SYNDIG1L: variants seen among roughly 807,000 people sequenced by gnomAD.
SYNDIG1L encodes synapse differentiation inducing 1 like, also known as synapse differentiation-inducing gene protein 1-like.
A neutral mutation model predicts 20.1 loss-of-function variants in SYNDIG1L; 13 were observed. The ratio of observed to expected loss-of-function variants is 0.65; its 90% confidence interval spans 0.42 to 1.03. SYNDIG1L has a LOEUF of 1.03. Ranked by LOEUF, SYNDIG1L falls within the 50% of genes least tolerant of loss-of-function variation. SYNDIG1L has a pLI of 0.00. For synonymous variants in SYNDIG1L, 128 were observed against 129.3 expected, an observed-to-expected ratio of 0.99 and a Z score of 0.07; for missense variants, 294 against 305.1, an observed-to-expected ratio of 0.96 and a Z score of 0.27.
upstream of SYNDIG1L, among the ~76,000 whole-genome samples, chr14:74,427,487 A>G (rs1317574771): frequency 1.3e-5 from 2 of 152,136 alleles, no homozygotes; most frequent in African/African-American, 4.8e-5. Flanking sequence ...GCACAGTAGG[A>G]GCCAGGAGCA....
At chr14:74,436,794 G>C in the SYNDIG1L span, among the ~76,000 whole-genome samples, 1 of 147,240 alleles carries the variant, frequency 6.8e-6, no homozygotes, top group Non-Finnish European at 1.5e-5. Flanking sequence ...AGGTTGCAGT[G>C]AGCCAAGATC....
chr14:74,466,690 C>T, the SYNDIG1L span, among the ~76,000 whole-genome samples: 43 of 152,278 alleles, frequency 2.8e-4, 1 homozygote, highest in South Asian at 8.1e-3. Flanking sequence ...GCTTCCATCA[C>T]GGCTGCTCAT....
the SYNDIG1L span, among the ~76,000 whole-genome samples, chr14:74,435,861 A>G: frequency 6.6e-6 from 1 of 152,216 alleles, no homozygotes; most frequent in African/African-American, 2.4e-5. Context: ...TAGAGCCGTC[A>G]GGAGTTCCTC....
At chr14:74,479,394 T>C in the SYNDIG1L span, 1 of 152,358 alleles carries the variant, frequency 6.6e-6, no homozygotes, top group East Asian at 1.9e-4. Flanking sequence ...TTCAACTCAA[T>C]TGTGAATGGG....
intron 1 of SYNDIG1L, among the ~76,000 whole-genome samples, chr14:74,415,255 A>G (rs983267827): frequency 6.6e-6 from 1 of 152,218 alleles, no homozygotes; most frequent in African/African-American, 2.4e-5. Context: ...ATCTGCACAC[A>G]GCCCAGCTGC....
intron 1 of SYNDIG1L, among the ~76,000 whole-genome samples, chr14:74,411,144 G>T (rs2086127777): frequency 6.6e-6 from 1 of 152,180 alleles, no homozygotes; most frequent in African/African-American, 2.4e-5. Context: ...TCTTGCCCTG[G>T]ATTTCTAATC....
the SYNDIG1L span, among the ~76,000 whole-genome samples, chr14:74,447,241 AG>A: frequency 2.6e-5 from 4 of 152,368 alleles, no homozygotes; most frequent in Admixed American, 1.3e-4. Context: ...TAATGAAAAA[AG>A]TTTAATTCAC....
the SYNDIG1L span, among the ~76,000 whole-genome samples, chr14:74,448,898 G>A: frequency 6.6e-6 from 1 of 152,062 alleles, no homozygotes; most frequent in African/African-American, 2.4e-5. Context: ...GTGAGACCTT[G>A]TTGCTATTTT....
chr14:74,477,808 G>A, the SYNDIG1L span, among the ~76,000 whole-genome samples: 1 of 152,154 alleles, frequency 6.6e-6, no homozygotes, highest in Non-Finnish European at 1.5e-5. Context: ...AACCTGCTCC[G>A]TGGACTAGAA....
the SYNDIG1L span, among the ~76,000 whole-genome samples, chr14:74,478,107 T>C: frequency 6.6e-6 from 1 of 152,250 alleles, no homozygotes; most frequent in African/African-American, 2.4e-5. Context: ...TATCTACTTA[T>C]ACTCTTTGTC....
the SYNDIG1L span, among the ~76,000 whole-genome samples, chr14:74,443,766 T>C: frequency 2.8e-4 from 42 of 152,172 alleles, no homozygotes; most frequent in African/African-American, 1.0e-3. Flanking sequence ...AGGGAAGAGA[T>C]TGAATCTTCT....
chr14:74,445,708 C>G, the SYNDIG1L span, among the ~76,000 whole-genome samples: 1 of 152,300 alleles, frequency 6.6e-6, no homozygotes, highest in East Asian at 1.9e-4. Flanking sequence ...AACTCCTGAT[C>G]TCAACTGATC....
At chr14:74,435,391 C>T in the SYNDIG1L span, among the ~76,000 whole-genome samples, 1 of 152,190 alleles carries the variant, frequency 6.6e-6, no homozygotes, top group Non-Finnish European at 1.5e-5. Flanking sequence ...CAAACCAAAT[C>T]GTGGAACAAT....
the SYNDIG1L span, among the ~76,000 whole-genome samples, chr14:74,469,991 G>C: frequency 3.3e-5 from 5 of 152,164 alleles, no homozygotes; most frequent in Admixed American, 2.6e-4. Flanking sequence ...AGTGGGTGCA[G>C]CCAACATGGT....
At chr14:74,422,741 T>A (rs1207151429) in intron 1 of SYNDIG1L, among the ~76,000 whole-genome samples, 3 of 145,336 alleles carry the variant, frequency 2.1e-5, no homozygotes, top group Non-Finnish European at 4.5e-5. Context: ...TAAGACAGGG[T>A]CTCCCTCTAT....
rs544205402 is a variant in SYNDIG1L, at chr14:74,412,315, C to T, written c.-57-2514G>A. On this transcript the variant is annotated intron_variant, in intron 1 of 3. Coordinates refer to ENST00000331628, the MANE Select transcript of SYNDIG1L (RefSeq NM_001105579.2). ...GCAGCTTTGGAGCCCCTGCCATGGT[C>T]TCCCTTCTCCCAGTGGATGTGACCG... Among the ~76,000 whole-genome samples the T allele has an allele frequency of 6.6e-5, 10 of 152,318 alleles. No homozygotes were observed. The East Asian group carries it at 1.9e-3, about 29-fold the overall frequency.
At chr14:74,437,869 G>A in the SYNDIG1L span, among the ~76,000 whole-genome samples, 1 of 152,178 alleles carries the variant, frequency 6.6e-6, no homozygotes, top group Non-Finnish European at 1.5e-5. Context: ...GGTGCTGACA[G>A]CCCTACTATA....
intron 1 of SYNDIG1L, among the ~76,000 whole-genome samples, chr14:74,411,058 C>A (rs561294386): frequency 6.6e-6 from 1 of 152,280 alleles, no homozygotes; most frequent in South Asian, 2.1e-4. Flanking sequence ...AGGCCAGGGG[C>A]AGGCTAGGGG....
chr14:74,452,636 G>A, the SYNDIG1L span, among the ~76,000 whole-genome samples: 1 of 152,100 alleles, frequency 6.6e-6, no homozygotes, highest in South Asian at 2.1e-4. Context: ...GCATGAAAAC[G>A]GACTAATACA....
Sources: gnomAD v4.1 joint callset for allele counts (sites outside exome capture counted in the v4.1 genomes callset) on GRCh38, gnomAD v4.1.1 for gene constraint, MANE v1.5 for transcripts, NCBI Gene and HGNC (gene_info 2026-07-23, HGNC 2026-07-21) for gene names.